Variants in HERC2 observed in about 807,000 individuals in gnomAD.
The protein encoded by HERC2 is HECT and RLD domain containing E3 ubiquitin protein ligase 2.
HERC2 carries 102 observed loss-of-function variants against 537.7 expected under a neutral mutation model. The observed-to-expected ratio is 0.19, with a 90% CI of 0.16 to 0.22. HERC2 has a LOEUF of 0.22. Ranked by LOEUF, HERC2 falls within the 10% of genes least tolerant of loss-of-function variation. The pLI, the probability that HERC2 is intolerant of heterozygous loss-of-function variation, is 1.00. For missense variants in HERC2, 4,236 were observed against 6,198.2 expected (o/e 0.68, Z 10.63); for synonymous variants, 2,224 against 2,466.2 (o/e 0.90, Z 2.91).
intron 70 of HERC2, among the ~76,000 whole-genome samples, chr15:28,150,684 A>G (rs1353839165): frequency 1.3e-5 from 2 of 151,078 alleles, no homozygotes; most frequent in Admixed American, 6.6e-5. Context: ...CCACACAGAC[A>G]TTCTAGTGAA....
intron 4 of HERC2, among the ~76,000 whole-genome samples, chr15:28,284,786 A>T (rs1342280730): frequency 6.6e-6 from 1 of 151,896 alleles, no homozygotes; most frequent in African/African-American, 2.4e-5. Context: ...GTGATGGCAG[A>T]TGCCTATAAT....
intron 35 of HERC2, 68 bp downstream of exon 35, chr15:28,228,150 G>C: frequency 8.1e-7 from 1 of 1,238,896 alleles, no homozygotes; most frequent in Non-Finnish European, 1.1e-6. Flanking sequence ...AAAAAGAAAA[G>C]AAAAGAAAAG....
Position 28,175,550 on chromosome 15 carries a change from C to T in HERC2, c.9793G>A (p.Gly3265Arg), listed in dbSNP as rs1375387386. The stretch of plus-strand genomic sequence containing the variant: ...GTGACCGCCAGGCAGTGCAGGGCCC[C>T]GACAGCCACATGCACGATCTTCTTC... The part of the protein sequence containing the change: ...RGKKIVHVAV[G>R]ALHCLAVTDS... The change falls in exon 64 of 93, where the codon GGG becomes AGG. Residue 3265 changes from glycine (G) to arginine (R), a missense_variant. Gly to Arg is a moderately radical substitution (Grantham distance 125). Coordinates refer to ENST00000261609, the MANE Select transcript of HERC2 (RefSeq NM_004667.6). 1.2e-6 allele frequency: 2 copies of T among 1,613,682 alleles called. No individual in the cohort carries two copies. The highest frequency in any genetic ancestry group is 1.3e-5 in the African/African-American group (1 of 75,034).
At chr15:28,212,347 A>G in intron 43 of HERC2, 98 bp downstream of exon 43, 1 of 755,612 alleles carries the variant, frequency 1.3e-6, no homozygotes, top group Non-Finnish European at 2.3e-6. Flanking sequence ...GAACCCCAGG[A>G]CTTTAGTACG....
At chr15:28,126,988 G>C (rs1889565230) in intron 83 of HERC2, among the ~76,000 whole-genome samples, 1 of 152,206 alleles carries the variant, frequency 6.6e-6, no homozygotes, top group East Asian at 1.9e-4. Flanking sequence ...CCTCAACCAA[G>C]AAATACCACC....
Position 28,179,002 on chromosome 15 carries a change from A to G in HERC2, c.9048T>C (p.Cys3016=). 6.2e-7 allele frequency: 1 copy of G among 1,614,120 alleles called. No individual in the cohort carries two copies. The highest frequency in any genetic ancestry group is 8.5e-7 in the Non-Finnish European group (1 of 1,179,952). The part of the protein sequence containing the change: ...AVTVEGKVYA[C]GEATNGRLGL... Reference sequence around the variant, plus strand: ...CCAGCCGGCCATTCGTGGCTTCTCCACAGGCATACACCTTCCCTTCCACAG... The same window carrying G: ...CCAGCCGGCCATTCGTGGCTTCTCCGCAGGCATACACCTTCCCTTCCACAG... The change falls in exon 59 of 93, where the codon TGT becomes TGC. Residue 3016 remains cysteine, a synonymous_variant. Transcript: ENST00000261609.
chr15:28,215,681 C>T lies in HERC2; in HGVS notation c.6150G>A (p.Thr2050=), dbSNP rs199593384. The T allele has an allele frequency of 5.3e-5, 86 of 1,611,830 alleles. No individual in the cohort carries two copies. Among genetic ancestry groups the T allele is most frequent in the Non-Finnish European group, 7.0e-5 (82 of 1,179,794 alleles). ...GCCCTTCCACGACCTTCATGAGCAG[C>T]GTGATCCACTGCGGGGAGCTGAGGG... ...CGALSSPQWI[T]LLMKVVEGHA... Residue 2050 remains threonine (T), a synonymous_variant, in exon 39 of 93, where the codon ACG becomes ACA. Coordinates refer to ENST00000261609, the MANE Select transcript of HERC2 (RefSeq NM_004667.6).
Position 28,230,420 on chromosome 15 carries a change from G to A in HERC2, c.4756C>T (p.Pro1586Ser). 6.8e-7 allele frequency: 1 copy of A among 1,478,626 alleles called. No homozygotes were observed. Among genetic ancestry groups the A allele is most frequent in the Non-Finnish European group, 9.3e-7 (1 of 1,073,964 alleles). The allele number at this position is 1,478,626 out of a possible 1,614,324, so 91.6% of individuals were successfully genotyped here. Residue 1586 changes from proline (P) to serine (S), a missense_variant, in exon 31 of 93, where the codon CCT becomes TCT. By Grantham distance (74) the Pro-to-Ser change is moderately conservative (BLOSUM62 -1). Coordinates refer to ENST00000261609, the MANE Select transcript of HERC2 (RefSeq NM_004667.6). ...ESDLEEACIL[P>S]HSPINVDKRP... ...TTGTCCACATTTATTGGACTATGAG[G>A]CAAAATGCAAGCTTCTTCTAAATCA...
chr15:28,144,192 T>C lies in HERC2; in HGVS notation c.11184A>G (p.Pro3728=), dbSNP rs1276539811. Residue 3728 remains proline, a synonymous_variant, in exon 73 of 93, where the codon CCA becomes CCG. Transcript: ENST00000261609. ...LLSDRCVLSC[P]SMDLVTCLLD... Reference sequence around the variant, plus strand: ...ACAGACACGTCACCAAGTCCATGGATGGACAGGAGAGGACGCAGCGGTCAG... The same window carrying C: ...ACAGACACGTCACCAAGTCCATGGACGGACAGGAGAGGACGCAGCGGTCAG... The C allele has an allele frequency of 1.2e-6, 2 of 1,614,138 alleles. No homozygotes were observed. Among genetic ancestry groups the C allele is most frequent in the East Asian group, 4.5e-5 (2 of 44,854 alleles).
At chr15:28,163,532 A>T (rs906132515) in intron 68 of HERC2, among the ~76,000 whole-genome samples, 8 of 152,200 alleles carry the variant, frequency 5.3e-5, no homozygotes, top group Non-Finnish European at 7.3e-5. Context: ...GGGATGACTT[A>T]AGCTATAAAG....
chr15:28,291,830 G>A (rs576501629), intron 4 of HERC2, among the ~76,000 whole-genome samples: 5 of 149,254 alleles, frequency 3.3e-5, no homozygotes, highest in Admixed American at 1.4e-4. Context: ...GCATGAACCC[G>A]GGAAGCGGAG....
chr15:28,298,795 C>A (rs187163163), intron 3 of HERC2, among the ~76,000 whole-genome samples: 1 of 151,774 alleles, frequency 6.6e-6, no homozygotes, highest in Non-Finnish European at 1.5e-5. Flanking sequence ...GACTCCTTCC[C>A]CCCCAAAAAA....
Position 28,265,564 on chromosome 15 carries a change from A to T in HERC2, c.1870+54T>A. 7.0e-7 allele frequency: 1 copy of T among 1,437,948 alleles called. No individual in the cohort carries two copies. The highest frequency in any genetic ancestry group is 9.8e-7 in the Non-Finnish European group (1 of 1,022,652). The allele number at this position is 1,437,948 out of a possible 1,614,324, so 89.1% of individuals were successfully genotyped here. On this transcript the variant is annotated intron_variant, in intron 14 of 92. Transcript: ENST00000261609. This position sits in a 1 kb window ranked among gnomAD's most constrained non-coding sequence, Gnocchi z 4.0. ...GTACTCATCTCACTTCCTCCAGGGA[A>T]GCTGCCATGCGTGTCCTCGTGGGCC...
At chr15:28,307,547 A>G (rs192189471) in intron 2 of HERC2, among the ~76,000 whole-genome samples, 25 of 152,214 alleles carry the variant, frequency 1.6e-4, no homozygotes, top group Non-Finnish European at 3.1e-4. Flanking sequence ...CTGTGTTGCC[A>G]TTGCCATTTG....
Position 28,135,461 on chromosome 15 carries a change from A to AT in HERC2, c.12230+16dup, listed in dbSNP as rs1376790424. 6.3e-7 allele frequency: 1 copy of AT among 1,592,416 alleles called. No homozygotes were observed. The highest frequency in any genetic ancestry group is 2.2e-5 in the East Asian group (1 of 44,658). ...CAAAGACAAATAGAATGTTGAAATA[A>AT]TTTTTTCACATCATACCTTCTGTTG... is the stretch of plus-strand genomic sequence containing the variant. On this transcript the variant is annotated intron_variant, in intron 79 of 92. Coordinates refer to ENST00000261609, the MANE Select transcript of HERC2 (RefSeq NM_004667.6).
Position 28,230,414 on chromosome 15 carries a change from T to G in HERC2, c.4762A>C (p.Ser1588Arg). The part of the protein sequence containing the change: ...DLEEACILPH[S>R]PINVDKRPIA... ...GGTCTCTTGTCCACATTTATTGGAC[T>G]ATGAGGCAAAATGCAAGCTTCTTCT... is the stretch of plus-strand genomic sequence containing the variant. Residue 1588 changes from serine to arginine, a missense_variant, in exon 31 of 93, where the codon AGT becomes CGT. Transcript: ENST00000261609. 6.6e-7 allele frequency: 1 copy of G among 1,510,030 alleles called. No homozygotes were observed. The highest frequency in any genetic ancestry group is 9.1e-7 in the Non-Finnish European group (1 of 1,102,222). The allele number at this position is 1,510,030 out of a possible 1,614,324, so 93.5% of individuals were successfully genotyped here.
chr15:28,150,755 C>T (rs60298247), intron 70 of HERC2, among the ~76,000 whole-genome samples: 5,632 of 151,582 alleles, frequency 0.037, 334 homozygotes, highest in African/African-American at 0.13. Context: ...AATGGCCACA[C>T]GAACGTATAT....
At position 28,168,550 on chromosome 15, in the gene HERC2, C is replaced by A; in HGVS notation, c.10270G>T (p.Ala3424Ser). 2.5e-6 allele frequency: 4 copies of A among 1,614,056 alleles called. 1 individual carries two copies. Among genetic ancestry groups the A allele is most frequent in the South Asian group, 2.2e-5 (2 of 91,066 alleles). Residue 3424 changes from alanine to serine, a missense_variant, in exon 67 of 93, where the codon GCC (alanine) becomes TCC (serine). Ala to Ser is a moderately conservative substitution (Grantham distance 99). Around this residue, in one of 27 missense-constraint regions of HERC2, gnomAD observed 356 missense variants for 450.9 expected, o/e 0.79. Coordinates refer to ENST00000261609, the MANE Select transcript of HERC2 (RefSeq NM_004667.6). ...VGALMPAAMI[A>S]PVECPSFSSA... ...GAGAACGAGGGGCACTCCACCGGGG[C>A]GATCATGGCGGCCGGCATCAGGGCC... is the stretch of plus-strand genomic sequence containing the variant.
intron 78 of HERC2, among the ~76,000 whole-genome samples, chr15:28,139,896 TAAAAA>T (rs758739007): frequency 7.9e-6 from 1 of 125,912 alleles, no homozygotes; most frequent in African/African-American, 3.2e-5. Context: ...CCATCTCTAC[TAAAAA>T]AAAAAAAAAA....
Sources: gnomAD v4.1 joint callset for allele counts (sites outside exome capture counted in the v4.1 genomes callset) on GRCh38, gnomAD v4.1.1 for gene constraint, gnomAD v4.1.1 regional missense constraint, Gnocchi (gnomAD v3.1) non-coding constraint, MANE v1.5 for transcripts, NCBI Gene and HGNC (gene_info 2026-07-23, HGNC 2026-07-21) for gene names.